DOCK2: variants seen among roughly 807,000 people sequenced by gnomAD.
DOCK2 encodes the protein dedicator of cytokinesis protein 2.
DOCK2 carries 87 observed loss-of-function variants against 248.9 expected under a neutral mutation model. The ratio of observed to expected loss-of-function variants is 0.35; its 90% CI spans 0.29 to 0.42. DOCK2 has a LOEUF of 0.42. Among genes scored for constraint, DOCK2 ranks in the 10% least tolerant of loss-of-function variants. The probability of loss-of-function intolerance (pLI) is 1.00; values close to 1 mark genes in which losing one functional copy is unlikely to be tolerated. For missense variants in DOCK2, 1,747 were observed against 2,300.2 expected (o/e 0.76, Z 4.92); for synonymous variants, 805 against 821.6 (o/e 0.98, Z 0.35).
At chr5:170,063,327 A>G (rs963479164) in intron 44 of DOCK2, among the ~76,000 whole-genome samples, 4 of 152,182 alleles carry the variant, frequency 2.6e-5, no homozygotes, top group Admixed American at 2.6e-4. Flanking sequence ...TAGCTCTGGG[A>G]ACAGAAGGGA....
intron 27 of DOCK2, among the ~76,000 whole-genome samples, chr5:169,908,642 G>A (rs1285047890): frequency 6.6e-6 from 1 of 151,742 alleles, no homozygotes; most frequent in African/African-American, 2.4e-5. Context: ...CAAAACTAAG[G>A]ATACAGTGAA....
chr5:170,032,096 G>A (rs1247252642), intron 34 of DOCK2, among the ~76,000 whole-genome samples: 3 of 151,026 alleles, frequency 2.0e-5, no homozygotes, highest in African/African-American at 2.4e-5. Context: ...GCGCGATCTC[G>A]GCTCACTGCA....
intron 44 of DOCK2, among the ~76,000 whole-genome samples, chr5:170,058,977 A>T (rs1243029163): frequency 1.3e-5 from 2 of 152,120 alleles, no homozygotes; most frequent in Non-Finnish European, 2.9e-5. Context: ...CATATGCATG[A>T]TCTCATTTCA....
chr5:170,001,858 A>G (rs59051803), intron 30 of DOCK2, among the ~76,000 whole-genome samples: 2,262 of 152,302 alleles, frequency 0.015, 52 homozygotes, highest in African/African-American at 0.05. Flanking sequence ...TGGGTGAATA[A>G]TGGGTGAATC....
intron 26 of DOCK2, among the ~76,000 whole-genome samples, chr5:169,822,638 T>C (rs1768539700): frequency 6.6e-6 from 1 of 152,106 alleles, no homozygotes; most frequent in African/African-American, 2.4e-5. Flanking sequence ...GGGAAAATTA[T>C]AGCACTAAAT....
chr5:169,866,216 A>C (rs931953846), intron 27 of DOCK2, among the ~76,000 whole-genome samples: 7 of 152,128 alleles, frequency 4.6e-5, no homozygotes, highest in African/African-American at 1.7e-4. Context: ...CTCCACTTAC[A>C]TGCCTTCTCT....
chr5:169,999,266 A>C (rs1220093654), intron 30 of DOCK2, among the ~76,000 whole-genome samples: 4 of 152,128 alleles, frequency 2.6e-5, no homozygotes, highest in Admixed American at 6.5e-5. Context: ...TAGACAAATT[A>C]CTTCATCTCT....
chr5:169,725,308 A>C (rs186944121), intron 22 of DOCK2, among the ~76,000 whole-genome samples: 3 of 152,298 alleles, frequency 2.0e-5, no homozygotes, highest in Non-Finnish European at 4.4e-5. Flanking sequence ...CTGTCACCGA[A>C]AGGATATCAT....
chr5:169,704,635 A>C (rs1168430156), intron 14 of DOCK2, among the ~76,000 whole-genome samples: 1 of 152,182 alleles, frequency 6.6e-6, no homozygotes, highest in African/African-American at 2.4e-5. Context: ...AACAACTAAA[A>C]GAGTATGATT....
intron 22 of DOCK2, among the ~76,000 whole-genome samples, chr5:169,744,646 G>A (rs978392922): frequency 1.3e-5 from 2 of 152,084 alleles, no homozygotes; most frequent in African/African-American, 4.8e-5. Context: ...CAGAGAAGTT[G>A]GGAACCAGGA....
At chr5:169,996,817 G>T (rs1435655792) in intron 30 of DOCK2, among the ~76,000 whole-genome samples, 1 of 152,222 alleles carries the variant, frequency 6.6e-6, no homozygotes, top group African/African-American at 2.4e-5. Context: ...TCCAGTGGGG[G>T]CTTAGGGGGT....
chr5:169,716,378 T>A, intron 20 of DOCK2, 76 bp downstream of exon 20: 1 of 1,270,098 alleles, frequency 7.9e-7, no homozygotes, highest in Non-Finnish European at 1.1e-6. Context: ...TGAGAACTCA[T>A]GGCCCTCATG....
At chr5:170,010,912 C>A (rs547687753) in intron 32 of DOCK2, among the ~76,000 whole-genome samples, 2 of 152,326 alleles carry the variant, frequency 1.3e-5, no homozygotes, top group Admixed American at 1.3e-4. Context: ...GTTTTGCACA[C>A]AGAAGATTTT....
chr5:169,717,988 G>A (rs1457644125), intron 21 of DOCK2, among the ~76,000 whole-genome samples: 1 of 152,220 alleles, frequency 6.6e-6, no homozygotes, highest in Non-Finnish European at 1.5e-5. Flanking sequence ...CTTGAACCCT[G>A]GAGGTGGAGA....
intron 27 of DOCK2, among the ~76,000 whole-genome samples, chr5:169,956,448 G>A (rs1395625130): frequency 6.6e-6 from 1 of 152,158 alleles, no homozygotes; most frequent in African/African-American, 2.4e-5. Context: ...TTACTGCAGC[G>A]ACTTTAAGCA....
At chr5:169,700,836 C>G (rs1019895635) in intron 13 of DOCK2, among the ~76,000 whole-genome samples, 1 of 151,246 alleles carries the variant, frequency 6.6e-6, no homozygotes, top group African/African-American at 2.4e-5. Context: ...GTTATCTGAT[C>G]TTGCAAGAAA....
chr5:169,737,662 A>G (rs1207804701), intron 22 of DOCK2, among the ~76,000 whole-genome samples: 4 of 152,224 alleles, frequency 2.6e-5, no homozygotes, highest in Middle Eastern at 3.4e-3. Flanking sequence ...CCAATGGCCA[A>G]TGCTACATAA....
At chr5:170,045,656 C>G (rs1438278447) in intron 38 of DOCK2, among the ~76,000 whole-genome samples, 160 bp from the exon 39 acceptor site, 1 of 152,114 alleles carries the variant, frequency 6.6e-6, no homozygotes, top group Non-Finnish European at 1.5e-5. Flanking sequence ...GTCGTCCTCT[C>G]TAGGAAGCCC....
intron 30 of DOCK2, among the ~76,000 whole-genome samples, chr5:169,997,686 A>G (rs1304441535): frequency 6.7e-6 from 1 of 150,280 alleles, no homozygotes; most frequent in African/African-American, 2.5e-5. Context: ...GTCACAGCAC[A>G]TGTTTCAGAG....
Sources: gnomAD v4.1 joint callset for allele counts (sites outside exome capture counted in the v4.1 genomes callset) on GRCh38, gnomAD v4.1.1 for gene constraint, MANE v1.5 for transcripts, NCBI Gene and HGNC (gene_info 2026-07-23, HGNC 2026-07-21) for gene names.